The following DNAH6 variants were observed in gnomAD, a reference collection of about 807,000 sequenced individuals.
The protein encoded by DNAH6 is dynein axonemal heavy chain 6.
Under a neutral mutation model 491.4 loss-of-function variants are expected in DNAH6, and 340 were observed. The observed-to-expected ratio is 0.69, with a 90% CI of 0.63 to 0.76. DNAH6 has a LOEUF of 0.76. Among genes scored for constraint, DNAH6 ranks in the 30% least tolerant of loss-of-function variants. DNAH6 has a pLI of 0.00. For synonymous variants in DNAH6, 1,603 were observed against 1,686.1 expected, an observed-to-expected ratio of 0.95 and a Z score of 1.21; for missense variants, 4,443 against 4,972.2, an observed-to-expected ratio of 0.89 and a Z score of 3.20.
At chr2:84,752,471 T>A (rs1352947637) in intron 63 of DNAH6, among the ~76,000 whole-genome samples, 1 of 152,200 alleles carries the variant, frequency 6.6e-6, no homozygotes, top group Non-Finnish European at 1.5e-5. Flanking sequence ...TATTGAGGGA[T>A]AATTTACTTA....
At chr2:84,721,383 T>G (rs552367443) in intron 59 of DNAH6, among the ~76,000 whole-genome samples, 8 of 152,306 alleles carry the variant, frequency 5.3e-5, no homozygotes, top group African/African-American at 1.4e-4. Flanking sequence ...GAGAGTTTGA[T>G]CTCTGATTCC....
chr2:84,764,001 C>G (rs1674841231), intron 64 of DNAH6, among the ~76,000 whole-genome samples: 1 of 152,118 alleles, frequency 6.6e-6, no homozygotes, highest in Non-Finnish European at 1.5e-5. Context: ...CTTATTCAGC[C>G]TTTTTATTAT....
chr2:84,672,211 C>T lies in DNAH6; in HGVS notation c.6455-116C>T, dbSNP rs1176207962. On this transcript the variant is annotated intron_variant, in intron 39 of 76. Transcript: ENST00000389394. ...CTCCTCCTCCAGGCAGGACTCAGAACTGAGCTCTTTATGACCTGTAGGATG... is the reference window on the plus strand; with the variant it reads ...CTCCTCCTCCAGGCAGGACTCAGAATTGAGCTCTTTATGACCTGTAGGATG... 5 of 1,056,940 alleles carry T rather than the reference C, an allele frequency of 4.7e-6. No individual in the cohort carries two copies. In the Admixed American group the frequency reaches 1.1e-4, roughly 24 times the overall value. 65.5% of individuals were successfully genotyped at this position (1,056,940 alleles called of 1,614,324 possible). A position where few individuals can be genotyped will look rare whatever the true frequency, so the allele number is the denominator to read the frequency against.
intron 64 of DNAH6, among the ~76,000 whole-genome samples, chr2:84,771,906 C>T (rs571547088): frequency 2.6e-5 from 4 of 152,180 alleles, no homozygotes; most frequent in African/African-American, 7.2e-5. Context: ...CACAAGTAAG[C>T]GTAACTACAT....
At chr2:84,460,134 C>T in the DNAH6 span, 1 of 152,176 alleles carries the variant, frequency 6.6e-6, no homozygotes, top group Non-Finnish European at 1.5e-5. Context: ...AAATCGTGCT[C>T]CTGAGATTCC....
intron 63 of DNAH6, among the ~76,000 whole-genome samples, chr2:84,749,999 T>G (rs1371018789): frequency 6.6e-6 from 1 of 152,164 alleles, no homozygotes; most frequent in Non-Finnish European, 1.5e-5. Flanking sequence ...CTTAACATAC[T>G]AAATATACAT....
At chr2:84,716,167 A>ATG (rs1697518536) in intron 58 of DNAH6, among the ~76,000 whole-genome samples, 1 of 150,138 alleles carries the variant, frequency 6.7e-6, no homozygotes, top group Admixed American at 6.7e-5. Context: ...ATGGGTATAT[A>ATG]TATATATGTA....
At chr2:84,611,002 C>T (rs1686269750) in intron 21 of DNAH6, among the ~76,000 whole-genome samples, 1 of 152,122 alleles carries the variant, frequency 6.6e-6, no homozygotes, top group African/African-American at 2.4e-5. Flanking sequence ...TGGGCTTACT[C>T]CCAAACCTAG....
At chr2:84,485,846 C>G in the DNAH6 span, among the ~76,000 whole-genome samples, 2 of 151,854 alleles carry the variant, frequency 1.3e-5, no homozygotes, top group Non-Finnish European at 2.9e-5. Context: ...CTGATTCCTG[C>G]TCATCTGTGG....
At chr2:84,716,129 A>G (rs1697510213) in intron 58 of DNAH6, among the ~76,000 whole-genome samples, 2 of 150,498 alleles carry the variant, frequency 1.3e-5, no homozygotes, top group South Asian at 2.1e-4. Context: ...ACACATATAT[A>G]CATATATACC....
intron 76 of DNAH6, among the ~76,000 whole-genome samples, chr2:84,818,665 C>G (rs980784934): frequency 6.6e-6 from 1 of 151,994 alleles, no homozygotes; most frequent in Non-Finnish European, 1.5e-5. Context: ...CTGGTTGTTT[C>G]AACAAATATA....
At chr2:84,631,084 G>A (rs1573291346) in intron 29 of DNAH6, among the ~76,000 whole-genome samples, 2 of 152,120 alleles carry the variant, frequency 1.3e-5, no homozygotes, top group South Asian at 4.2e-4. Context: ...AAACAAAATA[G>A]CCCCTGACTG....
At chr2:84,711,285 A>G (rs1309939365) in intron 56 of DNAH6, among the ~76,000 whole-genome samples, 2 of 152,224 alleles carry the variant, frequency 1.3e-5, no homozygotes, top group African/African-American at 2.4e-5. Flanking sequence ...CAAAGGGAAC[A>G]GCACAAAGGC....
intron 22 of DNAH6, among the ~76,000 whole-genome samples, chr2:84,612,684 C>T (rs1686448244): frequency 6.6e-6 from 1 of 152,126 alleles, no homozygotes; most frequent in Non-Finnish European, 1.5e-5. Flanking sequence ...CTGTTTCTGT[C>T]ATCACATCTC....
intron 42 of DNAH6, among the ~76,000 whole-genome samples, chr2:84,682,696 T>A (rs188538291): frequency 2.0e-4 from 31 of 152,310 alleles, no homozygotes; most frequent in African/African-American, 6.7e-4. Flanking sequence ...AAAACCTCTA[T>A]GCAATCCACA....
At chr2:84,607,218 A>C in intron 21 of DNAH6, 123 bp downstream of exon 21, 4 of 1,003,292 alleles carry the variant, frequency 4.0e-6, no homozygotes, top group Non-Finnish European at 5.7e-6. Flanking sequence ...AATTGTGGAC[A>C]TGTTATTGTG....
intron 3 of DNAH6, 108 bp from the exon 4 acceptor site, chr2:84,528,796 G>C: frequency 9.0e-7 from 1 of 1,108,106 alleles, no homozygotes; most frequent in Admixed American, 2.8e-5. Flanking sequence ...TTGAGCCCTA[G>C]ACATCTCATG....
the DNAH6 span, among the ~76,000 whole-genome samples, chr2:84,507,082 G>GT: frequency 6.6e-6 from 1 of 152,128 alleles, no homozygotes; most frequent in Non-Finnish European, 1.5e-5. Context: ...CTTTAAAGTA[G>GT]TTTTTTCCAA....
chr2:84,697,426 A>G (rs1695496017), intron 46 of DNAH6, 149 bp from the exon 47 acceptor site: 4 of 817,326 alleles, frequency 4.9e-6, no homozygotes, highest in African/African-American at 1.7e-5. Flanking sequence ...TGTACTTGCT[A>G]TGTTAGAACT....
Sources: gnomAD v4.1 joint callset for allele counts (sites outside exome capture counted in the v4.1 genomes callset) on GRCh38, gnomAD v4.1.1 for gene constraint, MANE v1.5 for transcripts, NCBI Gene and HGNC (gene_info 2026-07-23, HGNC 2026-07-21) for gene names.